GYPB: variants seen among roughly 807,000 people sequenced by gnomAD.
GYPB encodes glycophorin-B.
A neutral mutation model predicts 15.3 loss-of-function variants in GYPB; 13 were observed. The observed-to-expected ratio is 0.85, with a 90% CI of 0.55 to 1.35. The LOEUF (loss-of-function observed/expected upper bound fraction) is 1.35, where lower values mean the gene tolerates loss of function less well. Among genes scored for constraint, GYPB ranks in the 40% most tolerant of loss-of-function variants. The pLI is 0.00. For synonymous variants in GYPB, 38 were observed against 36.9 expected (o/e 1.03, Z -0.11); for missense variants, 131 against 108.3 (o/e 1.21, Z -0.93).
At chr4:144,002,566 T>G (rs1414772048) in intron 1 of GYPB, 22 of 1,281,912 alleles carry the variant, frequency 1.7e-5, no homozygotes, top group Non-Finnish European at 2.1e-5. Context: ...ACTCTGTAGA[T>G]GTACCTTTGC....
intron 2 of GYPB, chr4:144,000,402 G>T: frequency 9.1e-7 from 1 of 1,098,698 alleles, no homozygotes; most frequent in Non-Finnish European, 1.2e-6. Flanking sequence ...TTTCTGGAGG[G>T]GAAACAGTTG....
intron 4 of GYPB, 172 bp downstream of exon 4, chr4:143,997,368 C>CAA (rs5862679): frequency 0.56 from 239,997 of 430,030 alleles, 54,036 homozygotes; most frequent in East Asian, 0.71. Flanking sequence ...TGGGCAAATG[C>CAA]AAAAAAAAAA....
chr4:144,011,852 A>G (rs1728237191), intron 1 of GYPB, among the ~76,000 whole-genome samples: 1 of 151,218 alleles, frequency 6.6e-6, no homozygotes. Flanking sequence ...TAGTTCAGGA[A>G]AGGTAGCAAG....
intron 1 of GYPB, among the ~76,000 whole-genome samples, chr4:144,005,465 G>A (rs1727863452): frequency 6.6e-6 from 1 of 152,042 alleles, no homozygotes; most frequent in Non-Finnish European, 1.5e-5. Context: ...AAACCATGTG[G>A]TCTTCATTTT....
downstream of GYPB, among the ~76,000 whole-genome samples, chr4:143,995,420 C>T (rs1727273796): frequency 6.6e-6 from 1 of 151,306 alleles, no homozygotes; most frequent in Admixed American, 6.6e-5. Context: ...TCAGACACTC[C>T]TTCTGACTCC....
At chr4:144,008,897 A>G (rs1163608730) in intron 1 of GYPB, among the ~76,000 whole-genome samples, 1 of 151,460 alleles carries the variant, frequency 6.6e-6, no homozygotes, top group Non-Finnish European at 1.5e-5. Flanking sequence ...CCAGTTGGTA[A>G]TATAGATTAA....
At chr4:143,995,885 G>A (rs557372272), downstream of GYPB, among the ~76,000 whole-genome samples, 1 of 151,414 alleles carries the variant, frequency 6.6e-6, no homozygotes, top group South Asian at 2.1e-4. Flanking sequence ...TTGGGTACTT[G>A]ACTGAATCTT....
Position 143,999,413 on chromosome 4 carries a change from G to C in GYPB, c.173C>G (p.Pro58Arg), listed in dbSNP as rs374811215. The change falls in exon 3 of 5, where the codon CCA becomes CGA. Residue 58 changes from proline (P) to arginine (R), a missense_variant and splice_region_variant. Coordinates refer to ENST00000502664, the MANE Select transcript of GYPB (RefSeq NM_002100.6). Reference sequence around the variant, plus strand: ...TTCTTTGTCAAATATTAACATACCTGGTACAGTGAAACGATGGACAAGTTG... The same window carrying C: ...TTCTTTGTCAAATATTAACATACCTCGTACAGTGAAACGATGGACAAGTTG... ...TGQLVHRFTV[P>R]APVVIILIIL... 4.8e-5 allele frequency: 73 copies of C among 1,517,026 alleles called. 1 individual carries two copies. The East Asian group carries it at 8.8e-4, about 18-fold the overall frequency. The allele number at this position is 1,517,026 out of a possible 1,614,324, so 94.0% of individuals were successfully genotyped here.
chr4:144,004,486 T>C (rs1235845356), intron 1 of GYPB, among the ~76,000 whole-genome samples: 1 of 151,874 alleles, frequency 6.6e-6, no homozygotes, highest in Non-Finnish European at 1.5e-5. Flanking sequence ...AGTTTTCGTA[T>C]TTTCTAGTAT....
chr4:144,018,177 T>A (rs1728604201), intron 1 of GYPB, among the ~76,000 whole-genome samples: 1 of 151,424 alleles, frequency 6.6e-6, no homozygotes, highest in South Asian at 2.1e-4. Context: ...ATGCAATTAT[T>A]ATGAGGTAAG....
chr4:143,996,176 A>G lies in GYPB; in HGVS notation c.*123T>C, dbSNP rs1332099419. 4 of 1,536,868 alleles carry G rather than the reference A, an allele frequency of 2.6e-6. No homozygotes were observed. Among genetic ancestry groups the G allele is most frequent in the Non-Finnish European group, 3.5e-6 (4 of 1,138,380 alleles). On this transcript the variant is annotated 3_prime_UTR_variant, in exon 5 of 5. Transcript: ENST00000502664. ...TAATAGTGAGGCAGGAGAACAGGGA[A>G]TTAGGATAGCCAGGGGTAGGGGCAT...
chr4:144,003,371 C>A lies in GYPB; in HGVS notation c.38-2088G>T, dbSNP rs1290854351. ...TCAAGAGTGGCCAAGATAAGCAGTC[C>A]CTTTGCAAACAAGCCACTTCTGCTC... On this transcript the variant is annotated intron_variant, in intron 1 of 4. Transcript: ENST00000502664. Among the ~76,000 whole-genome samples the A allele has an allele frequency of 1.3e-5, 2 of 151,128 alleles. 1 individual carries two copies. Among genetic ancestry groups the A allele is most frequent in the African/African-American group, 4.9e-5 (2 of 40,500 alleles).
intron 1 of GYPB, among the ~76,000 whole-genome samples, chr4:144,007,577 C>T (rs1034058929): frequency 2.0e-5 from 3 of 151,532 alleles, no homozygotes; most frequent in Admixed American, 2.0e-4. Context: ...AAAAATCGGT[C>T]AGTCTGTCAT....
At chr4:144,017,411 G>GA (rs1301690856) in intron 1 of GYPB, among the ~76,000 whole-genome samples, 1 of 150,860 alleles carries the variant, frequency 6.6e-6, no homozygotes, top group Non-Finnish European at 1.5e-5. Flanking sequence ...CAGTATGGGG[G>GA]AAAAACTTGA....
intron 1 of GYPB, among the ~76,000 whole-genome samples, chr4:144,008,749 T>A (rs1163613946): frequency 6.6e-6 from 1 of 151,512 alleles, no homozygotes; most frequent in Admixed American, 6.6e-5. Context: ...ACACCACTGG[T>A]ACTTCCTTTC....
Position 144,019,302 on chromosome 4 carries a change from C to T in GYPB, c.-15G>A. 1 of 1,611,752 alleles carries T rather than the reference C, an allele frequency of 6.2e-7. No individual in the cohort carries two copies. The highest frequency in any genetic ancestry group is 1.7e-5 in the Admixed American group (1 of 59,816). On this transcript the variant is annotated 5_prime_UTR_variant, in exon 1 of 5. Coordinates refer to ENST00000502664, the MANE Select transcript of GYPB (RefSeq NM_002100.6). Reference sequence around the variant, plus strand: ...TTTCCATACATCCTGAGATCATGAGCTGGTTCCTGAAGTTAGTGCAAAAAA... The same window carrying T: ...TTTCCATACATCCTGAGATCATGAGTTGGTTCCTGAAGTTAGTGCAAAAAA...
At chr4:144,004,236 TAA>T in intron 1 of GYPB, among the ~76,000 whole-genome samples, 1 of 151,948 alleles carries the variant, frequency 6.6e-6, no homozygotes, top group East Asian at 1.9e-4. Flanking sequence ...GATAATTTGA[TAA>T]AAATTGTTTT....
intron 1 of GYPB, among the ~76,000 whole-genome samples, chr4:144,017,975 A>G (rs1429546888): frequency 6.6e-6 from 1 of 151,288 alleles, no homozygotes; most frequent in Non-Finnish European, 1.5e-5. Context: ...GAAATCACCA[A>G]TCACATACGT....
At chr4:144,011,183 C>T (rs1352999918) in intron 1 of GYPB, among the ~76,000 whole-genome samples, 1 of 151,144 alleles carries the variant, frequency 6.6e-6, no homozygotes, top group African/African-American at 2.5e-5. Context: ...AGTTGGAGAC[C>T]AGCCTGGGCA....
Sources: allele counts gnomAD v4.1 joint callset (sites outside exome capture counted in the v4.1 genomes callset), GRCh38; gene constraint gnomAD v4.1.1; transcripts MANE v1.5; gene names NCBI Gene and HGNC (gene_info 2026-07-23, HGNC 2026-07-21).